The following TIPRL variants were observed in gnomAD, a reference collection of about 807,000 sequenced individuals.
TIPRL encodes the protein TIP41-like protein.
A neutral mutation model predicts 32.3 loss-of-function variants in TIPRL; 10 were observed. That is an observed-to-expected ratio of 0.31 (90% CI 0.19 to 0.52). The LOEUF (loss-of-function observed/expected upper bound fraction) is 0.52. TIPRL is among the 20% of genes least tolerant of loss of function. TIPRL has a pLI of 0.96. For synonymous variants in TIPRL, 100 were observed against 114.0 expected, an observed-to-expected ratio of 0.88 and a Z score of 0.78; for missense variants, 250 against 328.1, an observed-to-expected ratio of 0.76 and a Z score of 1.84.
At chr1:168,196,666 A>G in intron 5 of TIPRL, 24 bp downstream of exon 5, 1 of 1,447,010 alleles carries the variant, frequency 6.9e-7, no homozygotes, top group Non-Finnish European at 9.5e-7. Flanking sequence ...TTTAATGAAT[A>G]TACTAATTGA....
At position 168,179,023 on chromosome 1, in the gene TIPRL, C is replaced by T. The variant is rs1219234124; in HGVS notation, c.-55C>T. The T allele has an allele frequency of 1.3e-6, 2 of 1,502,568 alleles. No individual in the cohort carries two copies. The highest frequency in any genetic ancestry group is 1.8e-6 in the Non-Finnish European group (2 of 1,094,586). The allele number at this position is 1,502,568 out of a possible 1,614,324, so 93.1% of individuals were successfully genotyped here. ...AGGGAGGCGGAGGAACCGGTGTTCG[C>T]CGCCGCCGCTGCTTCAGCTTATTCC... On this transcript the variant is annotated 5_prime_UTR_variant, in exon 1 of 7. Coordinates refer to ENST00000367833, the MANE Select transcript of TIPRL (RefSeq NM_152902.5).
Position 168,184,735 on chromosome 1 carries a change from A to G in TIPRL, c.285-44A>G, listed in dbSNP as rs377649624. On this transcript the variant is annotated intron_variant, in intron 2 of 6. Transcript: ENST00000367833. ...TGATATATAAATACAGATAATCTCTATTCTGCATCACTGAATCTGATCCTT... is the reference window on the plus strand; with the variant it reads ...TGATATATAAATACAGATAATCTCTGTTCTGCATCACTGAATCTGATCCTT... 8 of 1,190,878 alleles carry G rather than the reference A, an allele frequency of 6.7e-6. No homozygotes were observed. In the East Asian group the frequency reaches 1.2e-4, roughly 18 times the overall value. The allele number at this position is 1,190,878 out of a possible 1,614,324, so 73.8% of individuals were successfully genotyped here.
intron 1 of TIPRL, among the ~76,000 whole-genome samples, chr1:168,183,406 C>T (rs1699991152): frequency 9.8e-6 from 1 of 102,398 alleles, no homozygotes; most frequent in Non-Finnish European, 1.8e-5. Flanking sequence ...TGATTGTTGC[C>T]CCAGGGTGAA....
At chr1:168,184,468 T>C (rs1700003933) in intron 2 of TIPRL, among the ~76,000 whole-genome samples, 1 of 152,204 alleles carries the variant, frequency 6.6e-6, no homozygotes, top group Non-Finnish European at 1.5e-5. Flanking sequence ...TTTTCTTTGA[T>C]AGTCAAATCA....
At chr1:168,198,703 T>C (rs1700182097) in intron 5 of TIPRL, among the ~76,000 whole-genome samples, 1 of 152,188 alleles carries the variant, frequency 6.6e-6, no homozygotes, top group Non-Finnish European at 1.5e-5. Context: ...AAAATCTGTT[T>C]ACATATGTGT....
At chr1:168,181,005 CAG>C (rs1475239106) in intron 1 of TIPRL, among the ~76,000 whole-genome samples, 1 of 151,330 alleles carries the variant, frequency 6.6e-6, no homozygotes, top group Non-Finnish European at 1.5e-5. Context: ...TTTTTTGAGA[CAG>C]AGACTCACTC....
At chr1:168,189,761 T>G (rs1444906692) in intron 3 of TIPRL, among the ~76,000 whole-genome samples, 1 of 152,242 alleles carries the variant, frequency 6.6e-6, no homozygotes, top group Non-Finnish European at 1.5e-5. Flanking sequence ...GTTTTAGACA[T>G]ATTTAGCCTT....
rs1336791540 is a variant in TIPRL, at chr1:168,200,829, C to T, written c.*783C>T. ...ATGCAACCTCAGAGTGAATAAACCC[C>T]TTAAATTTGGTGCTGGTTCGAAAAA... On this transcript the variant is annotated 3_prime_UTR_variant, in exon 7 of 7. Transcript: ENST00000367833. 2 of 152,030 alleles carry T rather than the reference C, an allele frequency of 1.3e-5. No individual in the cohort carries two copies. The highest frequency in any genetic ancestry group is 2.9e-5 in the Non-Finnish European group (2 of 67,976). 9.4% of individuals were successfully genotyped at this position (152,030 alleles called of 1,614,324 possible). A position where few individuals can be genotyped will look rare whatever the true frequency, so the allele number is the denominator to read the frequency against.
chr1:168,193,152 C>T (rs1640210221), intron 4 of TIPRL, among the ~76,000 whole-genome samples: 1 of 152,170 alleles, frequency 6.6e-6, no homozygotes, highest in Non-Finnish European at 1.5e-5. Context: ...GGTGCCACTG[C>T]ACCCCAGCTT....
Position 168,191,355 on chromosome 1 carries a change from ATT to A in TIPRL, c.385-9_385-8del. On this transcript the variant is annotated splice_polypyrimidine_tract_variant and intron_variant, in intron 3 of 6. Coordinates refer to ENST00000367833, the MANE Select transcript of TIPRL (RefSeq NM_152902.5). The stretch of plus-strand genomic sequence containing the variant: ...TTTTTTTAATGTGCTCCTCTTTAAA[ATT>A]TTTTCTTTCAGGTTGTACCTACAAC... The A allele has an allele frequency of 6.6e-7, 1 of 1,515,946 alleles. No individual in the cohort carries two copies. Among genetic ancestry groups the A allele is most frequent in the Non-Finnish European group, 8.7e-7 (1 of 1,145,100 alleles). The allele number at this position is 1,515,946 out of a possible 1,614,324, so 93.9% of individuals were successfully genotyped here.
chr1:168,188,842 G>A (rs1558163836), intron 3 of TIPRL, among the ~76,000 whole-genome samples: 1 of 152,172 alleles, frequency 6.6e-6, no homozygotes, highest in Non-Finnish European at 1.5e-5. Context: ...TTAGCCAAGC[G>A]TTGTGGCATG....
chr1:168,181,320 C>T (rs962548344), intron 1 of TIPRL, among the ~76,000 whole-genome samples: 2 of 151,832 alleles, frequency 1.3e-5, no homozygotes, highest in African/African-American at 4.8e-5. Flanking sequence ...TCAAGCGATT[C>T]TCCTGCCCAG....
intron 1 of TIPRL, among the ~76,000 whole-genome samples, chr1:168,180,794 A>T (rs779436437): frequency 6.0e-4 from 78 of 130,500 alleles, no homozygotes; most frequent in Non-Finnish European, 9.9e-4. Flanking sequence ...TCCTCTCTAT[A>T]TCTTTCTTTT....
At chr1:168,180,503 T>A (rs1361031167) in intron 1 of TIPRL, among the ~76,000 whole-genome samples, 1 of 152,196 alleles carries the variant, frequency 6.6e-6, no homozygotes, top group East Asian at 1.9e-4. Flanking sequence ...CTGCTTATAT[T>A]TGGTACCTGG....
chr1:168,186,356 C>T (rs907246030), intron 3 of TIPRL, among the ~76,000 whole-genome samples: 2 of 151,846 alleles, frequency 1.3e-5, no homozygotes, highest in Non-Finnish European at 2.9e-5. Context: ...ATTAGCCAGG[C>T]CTGGTGGCGT....
At chr1:168,189,099 G>T (rs905661568) in intron 3 of TIPRL, among the ~76,000 whole-genome samples, 4 of 152,192 alleles carry the variant, frequency 2.6e-5, no homozygotes, top group Non-Finnish European at 4.4e-5. Context: ...AGCAGTGATG[G>T]CACCAAAAGC....
chr1:168,182,493 GCA>G (rs1699979900), intron 1 of TIPRL, among the ~76,000 whole-genome samples: 1 of 152,140 alleles, frequency 6.6e-6, no homozygotes, highest in Non-Finnish European at 1.5e-5. Flanking sequence ...GGGCATGGTG[GCA>G]CGTGCCTGTA....
chr1:168,196,303 T>C (rs1220521943), intron 4 of TIPRL, among the ~76,000 whole-genome samples: 5 of 152,222 alleles, frequency 3.3e-5, no homozygotes, highest in African/African-American at 4.8e-5. Context: ...TAAACCTCAA[T>C]ATCTCCTCAC....
intron 3 of TIPRL, 80 bp downstream of exon 3, chr1:168,184,958 T>C: frequency 1.2e-6 from 1 of 851,024 alleles, no homozygotes; most frequent in Non-Finnish European, 1.8e-6. Flanking sequence ...TAACGGGTTA[T>C]TTTTTGCAAC....
Sources: gnomAD v4.1 joint callset for allele counts (sites outside exome capture counted in the v4.1 genomes callset) on GRCh38, gnomAD v4.1.1 for gene constraint, MANE v1.5 for transcripts, NCBI Gene and HGNC (gene_info 2026-07-23, HGNC 2026-07-21) for gene names.